The following CCDC73 variants were observed in gnomAD, a reference collection of about 807,000 sequenced individuals.
CCDC73 encodes the protein coiled-coil domain-containing protein 73.
A neutral mutation model predicts 116.5 loss-of-function variants in CCDC73; 95 were observed. The ratio of observed to expected loss-of-function variants is 0.82; its 90% CI spans 0.69 to 0.97. The LOEUF (loss-of-function observed/expected upper bound fraction) is 0.97. Ranked by LOEUF, CCDC73 falls within the 50% of genes least tolerant of loss-of-function variation. The pLI, the probability that CCDC73 is intolerant of heterozygous loss-of-function variation, is 0.00. For synonymous variants in CCDC73, 398 were observed against 401.3 expected, an observed-to-expected ratio of 0.99 and a Z score of 0.10; for missense variants, 1,066 against 1,206.8, an observed-to-expected ratio of 0.88 and a Z score of 1.73.
chr11:32,717,960 T>C, intron 3 of CCDC73, 116 bp downstream of exon 3: 1 of 663,250 alleles, frequency 1.5e-6, no homozygotes, highest in Non-Finnish European at 2.5e-6. Flanking sequence ...ATGGGGAAAC[T>C]GCCCAAATGA....
Position 32,614,064 on chromosome 11 carries a change from T to C in CCDC73, c.2254A>G (p.Met752Val). ...SPGGKTMCKN[M>V]SDMQNSQFNN... is the part of the protein sequence containing the mutation. ...AATTGACTGTTTTGCATATCACTCATATTTTTACACATAGTTTTTCCCCCA... is the reference window on the plus strand; with the variant it reads ...AATTGACTGTTTTGCATATCACTCACATTTTTACACATAGTTTTTCCCCCA... Residue 752 changes from methionine to valine, a missense_variant, in exon 16 of 18, where the codon ATG (methionine) becomes GTG (valine). Physicochemically the swap from Met to Val is conservative, Grantham distance 21. Transcript: ENST00000335185. 1.9e-6 allele frequency: 3 copies of C among 1,613,176 alleles called. No individual in the cohort carries two copies. Among genetic ancestry groups the C allele is most frequent in the Non-Finnish European group, 1.7e-6 (2 of 1,179,898 alleles).
Position 32,627,466 on chromosome 11 carries a change from C to A in CCDC73, c.1185+8230G>T, listed in dbSNP as rs543651118. On this transcript the variant is annotated intron_variant, in intron 14 of 17. Coordinates refer to ENST00000335185, the MANE Select transcript of CCDC73 (RefSeq NM_001008391.4). ...ACCATTTGACCCAGCCATCCCATTACTGGGTATATACCCAAAGGATTATAA... is the reference window on the plus strand; with the variant it reads ...ACCATTTGACCCAGCCATCCCATTAATGGGTATATACCCAAAGGATTATAA... Among the ~76,000 whole-genome samples, 11 of 152,326 alleles carry A rather than the reference C, an allele frequency of 7.2e-5. No homozygotes were observed. The South Asian group carries it at 2.3e-3, about 32-fold the overall frequency.
At chr11:32,654,453 C>T (rs921929738) in intron 10 of CCDC73, among the ~76,000 whole-genome samples, 3 of 152,078 alleles carry the variant, frequency 2.0e-5, no homozygotes, top group Non-Finnish European at 2.9e-5. Context: ...GGATTACAGG[C>T]GTAAGCCACT....
chr11:32,793,360 A>G (rs1030473715), intron 1 of CCDC73, among the ~76,000 whole-genome samples: 7 of 152,214 alleles, frequency 4.6e-5, no homozygotes, highest in African/African-American at 1.7e-4. Context: ...GGGATATTTC[A>G]GTATAGATTT....
chr11:32,778,264 T>C (rs2133393867), intron 1 of CCDC73, among the ~76,000 whole-genome samples: 1 of 152,326 alleles, frequency 6.6e-6, no homozygotes, highest in Non-Finnish European at 1.5e-5. Flanking sequence ...CCAGCAATCC[T>C]GTGTTTTAAC....
intron 2 of CCDC73, among the ~76,000 whole-genome samples, chr11:32,721,489 G>A (rs1032275963): frequency 1.3e-5 from 2 of 152,040 alleles, no homozygotes; most frequent in Non-Finnish European, 2.9e-5. Flanking sequence ...TTTCAGTTTT[G>A]CTGTATGTTT....
intron 1 of CCDC73, among the ~76,000 whole-genome samples, chr11:32,773,263 G>C (rs1850505948): frequency 6.6e-6 from 1 of 152,100 alleles, no homozygotes; most frequent in Admixed American, 6.6e-5. Flanking sequence ...TGCTTAGGTT[G>C]GGGGGTTGAA....
At chr11:32,711,364 G>A (rs564458024) in intron 3 of CCDC73, among the ~76,000 whole-genome samples, 1 of 152,218 alleles carries the variant, frequency 6.6e-6, no homozygotes, top group South Asian at 2.1e-4. Flanking sequence ...AGCACAATTT[G>A]CAACTGCAAA....
chr11:32,729,224 T>C (rs1394328996), intron 2 of CCDC73, among the ~76,000 whole-genome samples: 4 of 152,160 alleles, frequency 2.6e-5, no homozygotes, highest in Non-Finnish European at 4.4e-5. Flanking sequence ...CATGTGTCCA[T>C]GTGTTTGCAT....
chr11:32,691,645 T>C (rs940953671), intron 6 of CCDC73, among the ~76,000 whole-genome samples: 1 of 152,164 alleles, frequency 6.6e-6, no homozygotes, highest in Non-Finnish European at 1.5e-5. Context: ...TTTCTCCTAC[T>C]CTGTGGCTTG....
chr11:32,806,630 C>CAA, the CCDC73 span, among the ~76,000 whole-genome samples: 26,456 of 125,212 alleles, frequency 0.21, 2,773 homozygotes, highest in African/African-American at 0.28. Context: ...AGACCTGTCT[C>CAA]AAAAAAAAAA....
At chr11:32,667,136 T>C (rs1210866550) in intron 9 of CCDC73, among the ~76,000 whole-genome samples, 3 of 152,226 alleles carry the variant, frequency 2.0e-5, no homozygotes, top group Non-Finnish European at 4.4e-5. Flanking sequence ...AGGCAGTCTG[T>C]CCATTCTCAG....
At chr11:32,787,765 T>C (rs1056392048) in intron 1 of CCDC73, among the ~76,000 whole-genome samples, 8 of 152,150 alleles carry the variant, frequency 5.3e-5, no homozygotes, top group East Asian at 1.9e-4. Context: ...AGCTGGTGCA[T>C]GTGTAGAGTA....
At chr11:32,644,925 T>A (rs1343825458) in intron 12 of CCDC73, among the ~76,000 whole-genome samples, 2 of 152,222 alleles carry the variant, frequency 1.3e-5, no homozygotes, top group Non-Finnish European at 2.9e-5. Context: ...GTTGTGTGAA[T>A]CAGTAGTTGG....
At chr11:32,691,637 T>C (rs1856259530) in intron 6 of CCDC73, among the ~76,000 whole-genome samples, 1 of 152,102 alleles carries the variant, frequency 6.6e-6, no homozygotes, top group African/African-American at 2.4e-5. Flanking sequence ...GCAAATGTTT[T>C]CTCCTACTCT....
chr11:32,617,222 C>A lies in CCDC73; in HGVS notation c.1186-1093G>T, dbSNP rs185635587. Among the ~76,000 whole-genome samples, 10 of 152,148 alleles carry A rather than the reference C, an allele frequency of 6.6e-5. No homozygotes were observed. The East Asian group carries it at 1.9e-3, about 29-fold the overall frequency. On this transcript the variant is annotated intron_variant, in intron 14 of 17. Transcript: ENST00000335185. ...CTCTACCAGGAAGACACTGAGAAGT[C>A]ACTGAAGGGTTTTAAACAAGGAATG... is the stretch of plus-strand genomic sequence containing the variant.
At chr11:32,729,252 C>T (rs1026869854) in intron 2 of CCDC73, among the ~76,000 whole-genome samples, 2 of 152,170 alleles carry the variant, frequency 1.3e-5, no homozygotes, top group African/African-American at 4.8e-5. Context: ...CTCCCACTTA[C>T]AAGTGAAAAT....
At chr11:32,783,869 T>C (rs1455727175) in intron 1 of CCDC73, among the ~76,000 whole-genome samples, 2 of 152,214 alleles carry the variant, frequency 1.3e-5, no homozygotes, top group East Asian at 1.9e-4. Flanking sequence ...AGAGGACACC[T>C]GTACGAAGAC....
At chr11:32,700,751 C>CT in intron 5 of CCDC73, 40 bp downstream of exon 5, 1 of 999,432 alleles carries the variant, frequency 1.0e-6, no homozygotes, top group Non-Finnish European at 1.5e-6. Flanking sequence ...AAAGTAAATA[C>CT]TTTTTAATAG....
Sources: allele counts gnomAD v4.1 joint callset (sites outside exome capture counted in the v4.1 genomes callset), GRCh38; gene constraint gnomAD v4.1.1; transcripts MANE v1.5; gene names NCBI Gene and HGNC (gene_info 2026-07-23, HGNC 2026-07-21).